Variants in OR1J2 observed in about 807,000 individuals in gnomAD.
OR1J2 encodes olfactory receptor 1J2.
For synonymous variants in OR1J2, 142 were observed against 99.7 expected (o/e 1.42, Z -2.52); for missense variants, 304 against 246.1 (o/e 1.24, Z -1.57).
chr9:122,463,396 A>G, the OR1J2 span, among the ~76,000 whole-genome samples: 1 of 152,174 alleles, frequency 6.6e-6, no homozygotes, highest in African/African-American at 2.4e-5. Context: ...GATTGGCTTA[A>G]TAGCTGATCT....
At chr9:122,531,436 C>T in the OR1J2 span, among the ~76,000 whole-genome samples, 1 of 152,100 alleles carries the variant, frequency 6.6e-6, no homozygotes, top group African/African-American at 2.4e-5. Context: ...TATGACTAGA[C>T]AGAAGATAGT....
At chr9:122,517,860 A>G in the OR1J2 span, among the ~76,000 whole-genome samples, 1 of 151,912 alleles carries the variant, frequency 6.6e-6, no homozygotes, top group Non-Finnish European at 1.5e-5. Context: ...CTTTTTCCTG[A>G]TGCTCTCACC....
chr9:122,557,539 C>T, the OR1J2 span, among the ~76,000 whole-genome samples: 3 of 152,038 alleles, frequency 2.0e-5, no homozygotes, highest in African/African-American at 7.2e-5. Context: ...AGTAGCCCTG[C>T]ATTCCTGAGA....
chr9:122,479,651 A>G, the OR1J2 span, among the ~76,000 whole-genome samples: 4 of 152,194 alleles, frequency 2.6e-5, no homozygotes, highest in Admixed American at 1.3e-4. Flanking sequence ...TATTCTAAAT[A>G]CCAGTACCAG....
the OR1J2 span, among the ~76,000 whole-genome samples, chr9:122,557,421 G>A: frequency 1.3e-5 from 2 of 151,934 alleles, no homozygotes; most frequent in African/African-American, 4.8e-5. Flanking sequence ...TCATAAATGA[G>A]TGTTGGATTT....
At chr9:122,514,801 C>T (rs1199633874), downstream of OR1J2, among the ~76,000 whole-genome samples, 1 of 152,158 alleles carries the variant, frequency 6.6e-6, no homozygotes, top group Non-Finnish European at 1.5e-5. Context: ...TTCCCCATCT[C>T]TTTTTGGACT....
chr9:122,527,441 C>T, the OR1J2 span: 2 of 605,474 alleles, frequency 3.3e-6, no homozygotes, highest in Non-Finnish European at 5.8e-6. Context: ...TCTTTTCTCT[C>T]TTCATCAGAG....
the OR1J2 span, among the ~76,000 whole-genome samples, chr9:122,502,510 C>G: frequency 6.6e-6 from 1 of 152,134 alleles, no homozygotes; most frequent in East Asian, 1.9e-4. Context: ...GATGCTGAGG[C>G]CTTGGAAGAT....
chr9:122,544,913 C>A, the OR1J2 span, among the ~76,000 whole-genome samples: 3 of 152,030 alleles, frequency 2.0e-5, no homozygotes, highest in Non-Finnish European at 1.5e-5. Context: ...TTTCTTCTAG[C>A]TTTTAAATTT....
At chr9:122,507,118 G>C (rs901301803), upstream of OR1J2, among the ~76,000 whole-genome samples, 1 of 152,144 alleles carries the variant, frequency 6.6e-6, no homozygotes, top group Non-Finnish European at 1.5e-5. Context: ...AGGTTTCAAG[G>C]GTCTGTTTGT....
the OR1J2 span, among the ~76,000 whole-genome samples, chr9:122,459,765 G>T: frequency 3.9e-5 from 6 of 152,178 alleles, no homozygotes; most frequent in African/African-American, 1.4e-4. Context: ...TTCTTTAATG[G>T]TGATTTCTGA....
chr9:122,505,893 A>G (rs1051805359), upstream of OR1J2, among the ~76,000 whole-genome samples: 4 of 147,408 alleles, frequency 2.7e-5, no homozygotes, highest in Admixed American at 6.8e-5. Flanking sequence ...TCCTTTTTTC[A>G]TTTCTTCCTT....
chr9:122,570,538 T>A, the OR1J2 span, among the ~76,000 whole-genome samples: 2 of 152,198 alleles, frequency 1.3e-5, no homozygotes, highest in African/African-American at 2.4e-5. Flanking sequence ...AACACAAATA[T>A]CCACATTGTC....
the OR1J2 span, among the ~76,000 whole-genome samples, chr9:122,469,409 A>ATG: frequency 7.7e-3 from 1,179 of 152,306 alleles, 10 homozygotes; most frequent in African/African-American, 0.027. Context: ...TGCCACCACC[A>ATG]TGTAAGAAGT....
In OR1J2 at chr9:122,511,373, A is replaced by C; in HGVS notation, c.572A>C (p.Asp191Ala). The C allele has an allele frequency of 1.3e-6, 1 of 744,180 alleles. No individual in the cohort carries two copies. The highest frequency in any genetic ancestry group is 2.5e-6 in the Non-Finnish European group (1 of 400,506). 46.1% of individuals were successfully genotyped at this position (744,180 alleles called of 1,614,324 possible). A position where few individuals can be genotyped will look rare whatever the true frequency, so the allele number is the denominator to read the frequency against. The stretch of plus-strand genomic sequence containing the variant: ...GCCCTGCTCAAGCTGTCCTGCTCAG[A>C]TATCTTCCTCAATGAGCTGGTCATG... ...LAALLKLSCS[D>A]IFLNELVMFT... Residue 191 changes from aspartate to alanine, a missense_variant, in exon 1 of 1, where the codon GAT becomes GCT. Transcript: ENST00000335302.
chr9:122,543,680 G>C, the OR1J2 span, among the ~76,000 whole-genome samples: 1 of 152,210 alleles, frequency 6.6e-6, no homozygotes, highest in Admixed American at 6.5e-5. Context: ...AGGCTACAGG[G>C]AGAGGCCATG....
At chr9:122,530,419 ATCTACAGATACAGGGAG>A in the OR1J2 span, among the ~76,000 whole-genome samples, 1 of 152,244 alleles carries the variant, frequency 6.6e-6, no homozygotes, top group South Asian at 2.1e-4. Context: ...CACTTGGGGC[ATCTACAGATACAGGGAG>A]TCATGGGACA....
chr9:122,528,966 G>C, the OR1J2 span, among the ~76,000 whole-genome samples: 1 of 151,974 alleles, frequency 6.6e-6, no homozygotes, highest in Non-Finnish European at 1.5e-5. Flanking sequence ...GTGTTTCTTT[G>C]TCCTGATTTA....
At chr9:122,562,398 G>A in the OR1J2 span, among the ~76,000 whole-genome samples, 1 of 152,250 alleles carries the variant, frequency 6.6e-6, no homozygotes, top group Non-Finnish European at 1.5e-5. Context: ...TAGCTGAGTG[G>A]CTATTGAGAA....
Sources: gnomAD v4.1 joint callset for allele counts (sites outside exome capture counted in the v4.1 genomes callset) on GRCh38, gnomAD v4.1.1 for gene constraint, MANE v1.5 for transcripts, NCBI Gene and HGNC (gene_info 2026-07-23, HGNC 2026-07-21) for gene names.